Variants in GLRA2 observed in about 807,000 individuals in gnomAD.
GLRA2 encodes glycine receptor alpha 2.
A neutral mutation model predicts 31.6 loss-of-function variants in GLRA2; 11 were observed. That is an observed-to-expected ratio of 0.35 (90% confidence interval 0.22 to 0.58). The LOEUF (loss-of-function observed/expected upper bound fraction) is 0.58. GLRA2 is among the 20% of genes least tolerant of loss of function. The probability of loss-of-function intolerance (pLI) is 0.84; values close to 1 mark genes in which losing one functional copy is unlikely to be tolerated. For synonymous variants in GLRA2, 132 were observed against 134.0 expected (o/e 0.99, Z 0.10); for missense variants, 212 against 351.8 (o/e 0.60, Z 3.18).
intron 2 of GLRA2, among the ~76,000 whole-genome samples, chrX:14,556,439 A>C (rs748551313): frequency 8.9e-6 from 1 of 112,073 alleles, no homozygotes; most frequent in East Asian, 2.8e-4. Context: ...CTAAGGCTAA[A>C]TGGCTCTTTA....
At chrX:14,501,047 G>A in the GLRA2 span, among the ~76,000 whole-genome samples, 2 of 104,520 alleles carry the variant, frequency 1.9e-5, no homozygotes, top group South Asian at 8.6e-4. Flanking sequence ...TGCAAAAATT[G>A]CCAAGAATGT....
At chrX:14,716,008 A>G (rs1395211682) in intron 8 of GLRA2, among the ~76,000 whole-genome samples, 1 of 111,813 alleles carries the variant, frequency 8.9e-6, no homozygotes, top group African/African-American at 3.3e-5. Context: ...CAGAGCATTA[A>G]GCCAAGCACA....
At chrX:14,646,407 TCAAA>T (rs1230268964) in intron 7 of GLRA2, among the ~76,000 whole-genome samples, 2 of 112,249 alleles carry the variant, frequency 1.8e-5, no homozygotes, top group Non-Finnish European at 3.8e-5. Context: ...ACTAATTTAA[TCAAA>T]CAACAAATGA....
the GLRA2 span, among the ~76,000 whole-genome samples, chrX:14,471,208 G>C: frequency 8.9e-6 from 1 of 111,757 alleles, no homozygotes; most frequent in South Asian, 3.7e-4. Context: ...AATGAGAAGA[G>C]ACCTAATAAA....
rs2090179835 is a variant in GLRA2 at position 14,594,519 on chromosome X, A to G, written c.495-9796A>G. The stretch of plus-strand genomic sequence containing the variant: ...AGATGTGGGGGAGTATTGATTATTT[A>G]AATCTTTGGTAATTTGAGTTCCTTC... On this transcript the variant is annotated intron_variant, in intron 4 of 8. Coordinates refer to ENST00000218075, the MANE Select transcript of GLRA2 (RefSeq NM_002063.4). Among the ~76,000 whole-genome samples, 3 of 112,000 alleles carry G rather than the reference A, an allele frequency of 2.7e-5. No individual in the cohort carries two copies. The South Asian group carries it at 1.1e-3, about 41-fold the overall frequency.
At chrX:14,463,587 C>T in the GLRA2 span, among the ~76,000 whole-genome samples, 11 of 111,187 alleles carry the variant, frequency 9.9e-5, no homozygotes, top group African/African-American at 3.6e-4. Flanking sequence ...GTGGATGCCC[C>T]TCTCCCTGCC....
rs764872124 is a variant in GLRA2 at position 14,543,883 on chromosome X, A to T, written c.202+11511A>T. 1.1e-4 allele frequency among the ~76,000 whole-genome samples: 12 copies of T among 111,948 alleles called. No homozygotes were observed. In the South Asian group the frequency reaches 3.7e-3, roughly 35 times the overall value. On this transcript the variant is annotated intron_variant, in intron 2 of 8. Transcript: ENST00000218075. ...ATATTCACTTGATCACAGATTCCTTATCATGAGTAACATCCTGGAGAACCA... is the reference window on the plus strand; with the variant it reads ...ATATTCACTTGATCACAGATTCCTTTTCATGAGTAACATCCTGGAGAACCA...
chrX:14,703,457 T>C (rs1423625526), intron 8 of GLRA2, among the ~76,000 whole-genome samples: 1 of 112,039 alleles, frequency 8.9e-6, no homozygotes, highest in Non-Finnish European at 1.9e-5. Flanking sequence ...CTAAGAGTCA[T>C]GTGATTAAGT....
At chrX:14,717,110 G>A (rs1296521114) in intron 8 of GLRA2, among the ~76,000 whole-genome samples, 3 of 111,335 alleles carry the variant, frequency 2.7e-5, no homozygotes, top group African/African-American at 9.8e-5. Flanking sequence ...CAAGTCCAGT[G>A]CCTGCCCTAT....
At chrX:14,729,087 T>G (rs956899512) in intron 8 of GLRA2, among the ~76,000 whole-genome samples, 2 of 112,520 alleles carry the variant, frequency 1.8e-5, no homozygotes, top group Non-Finnish European at 3.7e-5. Context: ...ATATTATAAG[T>G]CCTTCATTTA....
intron 7 of GLRA2, among the ~76,000 whole-genome samples, chrX:14,682,031 A>G (rs1202567241): frequency 9.9e-6 from 1 of 101,509 alleles, no homozygotes; most frequent in African/African-American, 3.6e-5. Context: ...AAATATATAT[A>G]AAATTGTAAG....
chrX:14,635,740 G>A (rs2090703335), intron 7 of GLRA2, among the ~76,000 whole-genome samples: 1 of 111,658 alleles, frequency 9.0e-6, no homozygotes, highest in Non-Finnish European at 1.9e-5. Flanking sequence ...GTATTAATTT[G>A]TTCTTTATGT....
intron 7 of GLRA2, among the ~76,000 whole-genome samples, chrX:14,614,992 G>A (rs2090439909): frequency 8.9e-6 from 1 of 112,140 alleles, no homozygotes; most frequent in Admixed American, 9.4e-5. Flanking sequence ...AGCATTTTCT[G>A]TCTTCTAGAA....
At chrX:14,565,614 C>G (rs190891911) in intron 2 of GLRA2, among the ~76,000 whole-genome samples, 150 of 111,122 alleles carry the variant, frequency 1.3e-3, no homozygotes, top group Non-Finnish European at 2.3e-3. Context: ...ACTAAACAAG[C>G]CTCAGTAAGT....
intron 1 of GLRA2, among the ~76,000 whole-genome samples, chrX:14,530,332 C>G (rs2089237254): frequency 8.9e-6 from 1 of 111,855 alleles, no homozygotes; most frequent in African/African-American, 3.2e-5. Context: ...TAGCCGCACT[C>G]TATGCAATTC....
At chrX:14,671,321 T>C (rs912687872) in intron 7 of GLRA2, among the ~76,000 whole-genome samples, 20 of 112,332 alleles carry the variant, frequency 1.8e-4, no homozygotes, top group African/African-American at 6.1e-4. Context: ...TTGAGTCATT[T>C]GTTTCAGTAA....
chrX:14,598,581 C>T (rs1378952848), intron 4 of GLRA2, among the ~76,000 whole-genome samples: 1 of 112,285 alleles, frequency 8.9e-6, no homozygotes, highest in Non-Finnish European at 1.9e-5. Context: ...TGTTTTATTT[C>T]TAGTGAGAAT....
At chrX:14,672,187 GCTCT>G (rs775605116) in intron 7 of GLRA2, among the ~76,000 whole-genome samples, 40 of 112,205 alleles carry the variant, frequency 3.6e-4, no homozygotes, top group South Asian at 2.2e-3. Context: ...TCTTCTCATG[GCTCT>G]CTCTAACACA....
chrX:14,619,154 C>T (rs1265546637), intron 7 of GLRA2, among the ~76,000 whole-genome samples: 3 of 111,103 alleles, frequency 2.7e-5, no homozygotes, highest in Non-Finnish European at 3.8e-5. Context: ...ATTTAGAATT[C>T]TCCCTACCAC....
Sources: allele counts gnomAD v4.1 joint callset (sites outside exome capture counted in the v4.1 genomes callset), GRCh38; gene constraint gnomAD v4.1.1; transcripts MANE v1.5; gene names NCBI Gene and HGNC (gene_info 2026-07-23, HGNC 2026-07-21).